The following SYT6 variants were observed in gnomAD, a reference collection of about 807,000 sequenced individuals.
SYT6 encodes synaptotagmin 6.
A neutral mutation model predicts 38.4 loss-of-function variants in SYT6; 24 were observed. The observed-to-expected ratio is 0.62, with a 90% confidence interval of 0.45 to 0.88. SYT6 has a LOEUF of 0.88. SYT6 is among the 40% of genes least tolerant of loss of function. SYT6 has a pLI of 0.00. For missense variants in SYT6, 611 were observed against 621.0 expected, an observed-to-expected ratio of 0.98 and a Z score of 0.17; for synonymous variants, 265 against 241.9, an observed-to-expected ratio of 1.10 and a Z score of -0.89.
chr1:114,142,361 C>T (rs1571897082), intron 1 of SYT6, among the ~76,000 whole-genome samples: 1 of 152,108 alleles, frequency 6.6e-6, no homozygotes, highest in Non-Finnish European at 1.5e-5. Flanking sequence ...GTGGAAATAG[C>T]AAGAGAACCA....
chr1:114,146,519 C>T (rs1475281798), intron 1 of SYT6, among the ~76,000 whole-genome samples: 1 of 152,206 alleles, frequency 6.6e-6, no homozygotes, highest in Non-Finnish European at 1.5e-5. Context: ...ACTTTGACCC[C>T]TTGAGGCAGC....
chr1:114,139,938 A>C lies in SYT6; in HGVS notation c.189T>G (p.Val63=). Residue 63 remains valine, a synonymous_variant, in exon 2 of 8, where the codon GTT becomes GTG. Transcript: ENST00000610222. ...GAGTSVSLLA[V]VVIVCGVALV... Reference sequence around the variant, plus strand: ...GGGCCACGCCACACACAATAACTACAACTGCGAGGAGGCTGACAGAGGTGC... The same window carrying C: ...GGGCCACGCCACACACAATAACTACCACTGCGAGGAGGCTGACAGAGGTGC... 6.6e-7 allele frequency: 1 copy of C among 1,511,466 alleles called. No homozygotes were observed. The highest frequency in any genetic ancestry group is 8.8e-7 in the Non-Finnish European group (1 of 1,132,506). The allele number at this position is 1,511,466 out of a possible 1,614,324, so 93.6% of individuals were successfully genotyped here.
At chr1:114,123,942 A>T (rs1371512674) in intron 3 of SYT6, among the ~76,000 whole-genome samples, 1 of 151,532 alleles carries the variant, frequency 6.6e-6, no homozygotes, top group African/African-American at 2.4e-5. Context: ...TACCTCTAAC[A>T]CTCTGTCTCT....
chr1:114,108,533 A>T (rs972607934), intron 3 of SYT6, among the ~76,000 whole-genome samples: 3 of 152,118 alleles, frequency 2.0e-5, no homozygotes, highest in Non-Finnish European at 4.4e-5. Context: ...TCTAGATGAG[A>T]TGCTCTATCC....
chr1:114,138,210 T>G (rs1356552779), intron 2 of SYT6, among the ~76,000 whole-genome samples, 157 bp from the exon 3 acceptor site: 2 of 152,104 alleles, frequency 1.3e-5, no homozygotes, highest in Non-Finnish European at 2.9e-5. Flanking sequence ...TGCATACACT[T>G]TGTGTGCAAG....
chr1:114,096,736 G>T (rs1055563535), intron 6 of SYT6, among the ~76,000 whole-genome samples: 2 of 152,186 alleles, frequency 1.3e-5, no homozygotes, highest in African/African-American at 4.8e-5. Context: ...TAAGCCGAGG[G>T]GCCATGCAGT....
At chr1:114,136,392 G>C (rs1212980010) in intron 3 of SYT6, among the ~76,000 whole-genome samples, 1 of 152,204 alleles carries the variant, frequency 6.6e-6, no homozygotes, top group Admixed American at 6.5e-5. Context: ...GCACTCAAGA[G>C]AGCAGATGCA....
At chr1:114,117,996 G>C (rs1286614498) in intron 3 of SYT6, among the ~76,000 whole-genome samples, 1 of 152,236 alleles carries the variant, frequency 6.6e-6, no homozygotes, top group African/African-American at 2.4e-5. Flanking sequence ...CCATCCTGCT[G>C]TGGAGCGGCC....
chr1:114,099,507 A>C (rs1267611813), intron 4 of SYT6, among the ~76,000 whole-genome samples: 1 of 152,112 alleles, frequency 6.6e-6, no homozygotes, highest in African/African-American at 2.4e-5. Context: ...CGCCTAATGG[A>C]CTTTTACTAA....
chr1:114,117,422 T>C (rs1184745592), intron 3 of SYT6, among the ~76,000 whole-genome samples: 2 of 152,182 alleles, frequency 1.3e-5, no homozygotes, highest in African/African-American at 2.4e-5. Context: ...GCCTGCCTGG[T>C]GGGCTGAGGG....
At chr1:114,106,305 C>T (rs547973351) in intron 3 of SYT6, among the ~76,000 whole-genome samples, 9 of 152,110 alleles carry the variant, frequency 5.9e-5, no homozygotes, top group African/African-American at 1.9e-4. Context: ...AAGTACTTTG[C>T]TAGATTATCT....
intron 3 of SYT6, among the ~76,000 whole-genome samples, chr1:114,118,616 G>C (rs1677153456): frequency 6.6e-6 from 1 of 152,188 alleles, no homozygotes; most frequent in Non-Finnish European, 1.5e-5. Flanking sequence ...GGTGTCCCTG[G>C]GGCTCCTGCT....
intron 3 of SYT6, among the ~76,000 whole-genome samples, chr1:114,115,424 T>C (rs1332423637): frequency 7.6e-6 from 1 of 131,246 alleles, no homozygotes; most frequent in Admixed American, 7.8e-5. Flanking sequence ...ACTTAACACT[T>C]TTTTTTTTTT....
chr1:114,146,598 C>T (rs182909952), intron 1 of SYT6, among the ~76,000 whole-genome samples: 5 of 152,338 alleles, frequency 3.3e-5, no homozygotes, highest in East Asian at 3.9e-4. Flanking sequence ...TTACACCACA[C>T]GTTCACTTCA....
intron 3 of SYT6, among the ~76,000 whole-genome samples, chr1:114,106,927 AC>A (rs1254285051): frequency 6.6e-6 from 1 of 152,208 alleles, no homozygotes; most frequent in Non-Finnish European, 1.5e-5. Context: ...CCAGCAGGAC[AC>A]AAAAGCAGCT....
intron 1 of SYT6, among the ~76,000 whole-genome samples, chr1:114,146,246 T>C (rs916190787): frequency 6.6e-6 from 1 of 152,198 alleles, no homozygotes; most frequent in Non-Finnish European, 1.5e-5. Flanking sequence ...AGGAGGTGAC[T>C]GTAGAAGATT....
rs773509835 is a variant in SYT6, at chr1:114,137,568, A to G, written c.998T>C (p.Leu333Pro). 1 of 1,614,252 alleles carries G rather than the reference A, an allele frequency of 6.2e-7. No individual in the cohort carries two copies. Among genetic ancestry groups the G allele is most frequent in the South Asian group, 1.1e-5 (1 of 91,080 alleles). ...GTCAGAGGCCTCAAAGAGGTTGTCCAGGATGACCTCGCCAATCATGTCATG... is the reference window on the plus strand; with the variant it reads ...GTCAGAGGCCTCAAAGAGGTTGTCCGGGATGACCTCGCCAATCATGTCATG... ...SRHDMIGEVI[L>P]DNLFEASDLS... The change falls in exon 3 of 8, where the codon CTG becomes CCG. Residue 333 changes from leucine (L) to proline (P), a missense_variant. Leu to Pro is a moderately conservative substitution (Grantham distance 98). Coordinates refer to ENST00000610222, the MANE Select transcript of SYT6 (RefSeq NM_001253772.2).
At chr1:114,124,130 G>C (rs1677587509) in intron 3 of SYT6, among the ~76,000 whole-genome samples, 2 of 152,180 alleles carry the variant, frequency 1.3e-5, no homozygotes, top group Admixed American at 6.5e-5. Context: ...GCATATATAG[G>C]AAAATGGCTT....
At chr1:114,149,586 T>A (rs1290583042) in intron 1 of SYT6, among the ~76,000 whole-genome samples, 1 of 152,084 alleles carries the variant, frequency 6.6e-6, no homozygotes, top group Non-Finnish European at 1.5e-5. Flanking sequence ...CGGAGACTAA[T>A]GTGGAGTGTT....
Sources: allele counts gnomAD v4.1 joint callset (sites outside exome capture counted in the v4.1 genomes callset), GRCh38; gene constraint gnomAD v4.1.1; transcripts MANE v1.5; gene names NCBI Gene and HGNC (gene_info 2026-07-23, HGNC 2026-07-21).